PIGN: variants seen among roughly 807,000 people sequenced by gnomAD.
PIGN encodes the protein GPI ethanolamine phosphate transferase 1.
A neutral mutation model predicts 125.4 loss-of-function variants in PIGN; 117 were observed. The ratio of observed to expected loss-of-function variants is 0.93; its 90% confidence interval spans 0.80 to 1.09. The LOEUF is 1.09. PIGN is among the 50% of genes least tolerant of loss of function. The probability of loss-of-function intolerance (pLI) is 0.00; values close to 1 mark genes in which losing one functional copy is unlikely to be tolerated. For synonymous variants in PIGN, 392 were observed against 377.8 expected (o/e 1.04, Z -0.44); for missense variants, 1,075 against 1,094.9 (o/e 0.98, Z 0.26).
intron 14 of PIGN, among the ~76,000 whole-genome samples, chr18:62,131,510 G>T (rs1388905376): frequency 6.6e-6 from 1 of 152,062 alleles, no homozygotes; most frequent in African/African-American, 2.4e-5. Flanking sequence ...CCACCTGCTG[G>T]TCATCCTTCA....
At chr18:62,122,780 A>C (rs1350978831) in intron 14 of PIGN, among the ~76,000 whole-genome samples, 1 of 152,174 alleles carries the variant, frequency 6.6e-6, no homozygotes, top group Non-Finnish European at 1.5e-5. Flanking sequence ...AAACATTGAC[A>C]CCAAAGAGTT....
chr18:62,034,876 T>C (rs1312912737), intron 23 of PIGN, among the ~76,000 whole-genome samples: 1 of 152,070 alleles, frequency 6.6e-6, no homozygotes, highest in East Asian at 1.9e-4. Flanking sequence ...TGGGATGGCA[T>C]GATTGGTTTT....
chr18:62,152,787 A>G (rs2036583538), intron 7 of PIGN, among the ~76,000 whole-genome samples: 1 of 152,132 alleles, frequency 6.6e-6, no homozygotes, highest in Admixed American at 6.5e-5. Context: ...AAGTTAAACC[A>G]TTGTTAAGCT....
intron 12 of PIGN, 44 bp downstream of exon 12, chr18:62,140,375 GT>G (rs139613830): frequency 2.4e-4 from 204 of 852,916 alleles, no homozygotes; most frequent in East Asian, 3.7e-4. Context: ...CTGTGCGATA[GT>G]TTTTTTTTAT....
chr18:62,173,373 A>G (rs1017274018), intron 1 of PIGN, among the ~76,000 whole-genome samples: 1 of 151,984 alleles, frequency 6.6e-6, no homozygotes. Context: ...CGGGACCACA[A>G]GGTGTGCCAC....
intron 14 of PIGN, among the ~76,000 whole-genome samples, chr18:62,125,429 T>G (rs1297101694): frequency 1.3e-5 from 2 of 152,066 alleles, no homozygotes; most frequent in Non-Finnish European, 2.9e-5. Context: ...CTAGTAGACA[T>G]GTTATTATTG....
At chr18:62,146,908 T>A in intron 9 of PIGN, 63 bp downstream of exon 9, 1 of 1,525,990 alleles carries the variant, frequency 6.6e-7, no homozygotes, top group Non-Finnish European at 9.0e-7. Flanking sequence ...TCATAAAATA[T>A]TTACCAGCTA....
intron 9 of PIGN, 93 bp downstream of exon 9, chr18:62,146,878 G>A: frequency 8.6e-6 from 11 of 1,272,940 alleles, no homozygotes; most frequent in East Asian, 2.5e-5. Context: ...TATACAGCAA[G>A]ACATCTAATC....
At chr18:62,046,771 T>C (rs2030744365) in intron 30 of PIGN, among the ~76,000 whole-genome samples, 1 of 152,126 alleles carries the variant, frequency 6.6e-6, no homozygotes, top group African/African-American at 2.4e-5. Context: ...TCAGTACAGA[T>C]GCAATTAAAA....
At chr18:62,067,358 G>C (rs556471887) in intron 30 of PIGN, among the ~76,000 whole-genome samples, 4 of 152,220 alleles carry the variant, frequency 2.6e-5, no homozygotes, top group Middle Eastern at 6.8e-3. Flanking sequence ...TGAGAAAATG[G>C]AACCATTTTA....
chr18:62,141,006 A>G (rs1367706530), intron 11 of PIGN, among the ~76,000 whole-genome samples: 1 of 152,182 alleles, frequency 6.6e-6, no homozygotes, highest in Non-Finnish European at 1.5e-5. Flanking sequence ...AGAGTTGTTC[A>G]TGCTTTTTCT....
intron 16 of PIGN, among the ~76,000 whole-genome samples, chr18:62,111,052 ACATT>A: frequency 6.6e-6 from 1 of 151,806 alleles, no homozygotes; most frequent in African/African-American, 2.4e-5. Flanking sequence ...CAAACCTCCC[ACATT>A]CTATACAAAG....
intron 30 of PIGN, among the ~76,000 whole-genome samples, chr18:62,047,229 C>T (rs374743048): frequency 3.9e-5 from 6 of 152,228 alleles, no homozygotes; most frequent in African/African-American, 1.4e-4. Context: ...TATAATGGGG[C>T]ACTCTAACTC....
At chr18:62,132,669 C>A (rs1345531418) in intron 14 of PIGN, among the ~76,000 whole-genome samples, 4 of 151,800 alleles carry the variant, frequency 2.6e-5, no homozygotes, top group African/African-American at 9.7e-5. Context: ...TAGGGAGATC[C>A]CATCTCTATT....
Position 62,112,386 on chromosome 18 carries a change from G to A in PIGN, c.1434+748C>T, listed in dbSNP as rs192080934. Among the ~76,000 whole-genome samples the A allele has an allele frequency of 7.2e-4, 109 of 152,192 alleles. 1 individual carries two copies. Among genetic ancestry groups the A allele is most frequent in the South Asian group, 5.0e-3 (24 of 4,820 alleles). On this transcript the variant is annotated intron_variant, in intron 16 of 30. Coordinates refer to ENST00000640252, the MANE Select transcript of PIGN (RefSeq NM_176787.5). The stretch of plus-strand genomic sequence containing the variant: ...TTACTTTTTAGAGAACTTGAACATG[G>A]TAATAATCATTAAAGAGAATGAAGC...
chr18:62,088,635 T>A, intron 25 of PIGN, 121 bp downstream of exon 25: 2 of 641,002 alleles, frequency 3.1e-6, no homozygotes, highest in South Asian at 1.9e-5. Context: ...AAAACTATAG[T>A]TCAGGGAGGT....
Position 62,041,349 on chromosome 18 carries a change from A to G in PIGN, c.*4507T>C, listed in dbSNP as rs1464988754. The G allele has an allele frequency of 2.0e-5, 3 of 152,194 alleles. No individual in the cohort carries two copies. Among genetic ancestry groups the G allele is most frequent in the Non-Finnish European group, 4.4e-5 (3 of 68,028 alleles). The allele number at this position is 152,194 out of a possible 1,614,324, so 9.4% of individuals were successfully genotyped here. A position where few individuals can be genotyped will look rare whatever the true frequency, so the allele number is the denominator to read the frequency against. ...TGTAATATATACAGAGGCAGGAAAAATTGCAGGAAATTGTAAAGTTTTCTC... is the reference window on the plus strand; with the variant it reads ...TGTAATATATACAGAGGCAGGAAAAGTTGCAGGAAATTGTAAAGTTTTCTC... On this transcript the variant is annotated 3_prime_UTR_variant, in exon 31 of 31. Transcript: ENST00000640252.
chr18:62,020,252 C>T (rs62096599), intron 23 of PIGN, among the ~76,000 whole-genome samples: 1 of 152,126 alleles, frequency 6.6e-6, no homozygotes, highest in Non-Finnish European at 1.5e-5. Flanking sequence ...GGGCTTTAAA[C>T]CAACACTGGG....
At chr18:62,074,908 A>T in intron 28 of PIGN, 87 bp from the exon 29 acceptor site, 3 of 835,452 alleles carry the variant, frequency 3.6e-6, no homozygotes, top group Non-Finnish European at 5.9e-6. Context: ...CTAGGCAAAT[A>T]ACCTAGTATT....
Sources: gnomAD v4.1 joint callset for allele counts (sites outside exome capture counted in the v4.1 genomes callset) on GRCh38, gnomAD v4.1.1 for gene constraint, MANE v1.5 for transcripts, NCBI Gene and HGNC (gene_info 2026-07-23, HGNC 2026-07-21) for gene names.